CLSTN2: variants seen among roughly 807,000 people sequenced by gnomAD.
CLSTN2 encodes the protein calsyntenin-2.
Under a neutral mutation model 101.2 loss-of-function variants are expected in CLSTN2, and 48 were observed. The observed-to-expected ratio is 0.47, with a 90% CI of 0.38 to 0.60. The LOEUF (loss-of-function observed/expected upper bound fraction) is 0.60. CLSTN2 is among the 20% of genes least tolerant of loss of function. CLSTN2 has a pLI of 0.00. For synonymous variants in CLSTN2, 481 were observed against 463.6 expected, an observed-to-expected ratio of 1.04 and a Z score of -0.48; for missense variants, 1,160 against 1,238.2, an observed-to-expected ratio of 0.94 and a Z score of 0.95.
intron 1 of CLSTN2, among the ~76,000 whole-genome samples, chr3:139,980,898 A>G (rs950496212): frequency 6.6e-6 from 1 of 152,118 alleles, no homozygotes; most frequent in Admixed American, 6.6e-5. Flanking sequence ...TGACCACAAA[A>G]GTGGTCCACA....
intron 8 of CLSTN2, among the ~76,000 whole-genome samples, chr3:140,483,040 G>T (rs571881852): frequency 1.3e-5 from 2 of 152,216 alleles, no homozygotes; most frequent in African/African-American, 2.4e-5. Flanking sequence ...ATGTTAGGGC[G>T]TCAATTTTAG....
intron 5 of CLSTN2, among the ~76,000 whole-genome samples, chr3:140,427,225 G>GTA (rs1559866760): frequency 1.5e-5 from 1 of 67,204 alleles, no homozygotes; most frequent in Non-Finnish European, 2.6e-5. Flanking sequence ...ATATATATAT[G>GTA]TGTGTATATA....
intron 1 of CLSTN2, among the ~76,000 whole-genome samples, chr3:139,958,586 G>C (rs1935450116): frequency 6.6e-6 from 1 of 151,820 alleles, no homozygotes; most frequent in Admixed American, 6.6e-5. Context: ...GTACCAGGTG[G>C]GCTGGGGGAA....
intron 1 of CLSTN2, among the ~76,000 whole-genome samples, chr3:140,047,303 T>C (rs2007900452): frequency 2.0e-5 from 3 of 152,262 alleles, no homozygotes; most frequent in South Asian, 4.1e-4. Flanking sequence ...CTAATAGTAA[T>C]ATAGTGAGTA....
chr3:140,191,002 G>C (rs1252891100), intron 2 of CLSTN2, among the ~76,000 whole-genome samples: 2 of 151,968 alleles, frequency 1.3e-5, no homozygotes, highest in Non-Finnish European at 2.9e-5. Context: ...CCAGTCTCAG[G>C]GGAAAGCATA....
chr3:140,286,041 A>AG (rs2086892839), intron 2 of CLSTN2, among the ~76,000 whole-genome samples: 1 of 152,162 alleles, frequency 6.6e-6, no homozygotes, highest in South Asian at 2.1e-4. Flanking sequence ...CTTTAGCGTT[A>AG]GGCTCTAAGA....
rs570865993 is a variant in CLSTN2 at position 140,089,534 on chromosome 3, C to T, written c.110-86417C>T. Among the ~76,000 whole-genome samples, 5 of 152,090 alleles carry T rather than the reference C, an allele frequency of 3.3e-5. No homozygotes were observed. In the East Asian group the frequency reaches 9.7e-4, roughly 29 times the overall value. ...TCCCAAAGCAGTAAAGAAATAAAGC[C>T]CCGTGTTTTTGAGGGTGCTCTATTT... On this transcript the variant is annotated intron_variant, in intron 1 of 16. Transcript: ENST00000458420.
At position 140,421,227 on chromosome 3, in the gene CLSTN2, C is replaced by A. The variant is rs1304969196; in HGVS notation, c.740C>A (p.Thr247Asn). 6.2e-7 allele frequency: 1 copy of A among 1,614,048 alleles called. No homozygotes were observed. The highest frequency in any genetic ancestry group is 8.5e-7 in the Non-Finnish European group (1 of 1,180,020). ...GGACAGAAGCCCGCTGCTCAGGACA[C>A]CCTGGTGCAGGTGGATGTGAAGCCA... ...DCGQKPAAQD[T>N]LVQVDVKPVC... Residue 247 changes from threonine (T) to asparagine (N), a missense_variant, in exon 5 of 17, where the codon ACC becomes AAC. Transcript: ENST00000458420.
intron 2 of CLSTN2, among the ~76,000 whole-genome samples, chr3:140,276,722 G>A (rs1251515572): frequency 6.6e-6 from 1 of 152,070 alleles, no homozygotes; most frequent in Non-Finnish European, 1.5e-5. Context: ...CCCACATCCT[G>A]GGAATATCCT....
At chr3:139,989,756 C>G (rs1171686864) in intron 1 of CLSTN2, among the ~76,000 whole-genome samples, 2 of 152,226 alleles carry the variant, frequency 1.3e-5, no homozygotes, top group Non-Finnish European at 2.9e-5. Flanking sequence ...AAATCCCCTA[C>G]CTTTAAATTC....
intron 2 of CLSTN2, among the ~76,000 whole-genome samples, chr3:140,311,287 CTTTTTTTTTTTTTTTTTTTTTTTT>C (rs750088450): frequency 5.8e-5 from 3 of 52,064 alleles, no homozygotes; most frequent in South Asian, 1.7e-3. Context: ...GTTTATTATC[CTTTTTTTTTTTTTTTTTTTTTTTT>C]TTTTTTTTTT....
At chr3:140,044,437 G>C (rs569184662) in intron 1 of CLSTN2, among the ~76,000 whole-genome samples, 1 of 152,112 alleles carries the variant, frequency 6.6e-6, no homozygotes, top group Non-Finnish European at 1.5e-5. Context: ...GGGCTGAGAC[G>C]ATGGCGTTTT....
At chr3:139,958,362 T>C (rs1417891371) in intron 1 of CLSTN2, among the ~76,000 whole-genome samples, 1 of 152,074 alleles carries the variant, frequency 6.6e-6, no homozygotes, top group African/African-American at 2.4e-5. Context: ...GTGAGGTGAG[T>C]TTTGTGTGCT....
chr3:140,185,125 A>C (rs1357173497), intron 2 of CLSTN2, among the ~76,000 whole-genome samples: 3 of 151,952 alleles, frequency 2.0e-5, no homozygotes, highest in Admixed American at 1.3e-4. Context: ...ATTTGGTTTT[A>C]TTTGCTATAT....
At chr3:140,428,385 A>T (rs1310561620) in intron 5 of CLSTN2, among the ~76,000 whole-genome samples, 1 of 152,184 alleles carries the variant, frequency 6.6e-6, no homozygotes, top group East Asian at 1.9e-4. Flanking sequence ...GAATGAACCC[A>T]AAGTTCAGTA....
At chr3:140,304,095 G>A (rs974768781) in intron 2 of CLSTN2, among the ~76,000 whole-genome samples, 1 of 152,136 alleles carries the variant, frequency 6.6e-6, no homozygotes, top group East Asian at 1.9e-4. Flanking sequence ...GAGCTATGTG[G>A]TTATCTCTGA....
In CLSTN2 at chr3:140,546,654, C is replaced by T. The variant is rs1278043118; in HGVS notation, c.1647C>T (p.Ser549=). The T allele has an allele frequency of 2.6e-5, 42 of 1,613,186 alleles. No individual in the cohort carries two copies. The highest frequency in any genetic ancestry group is 3.4e-5 in the Non-Finnish European group (40 of 1,179,776). Residue 549 remains serine (S), a synonymous_variant, in exon 10 of 17, where the codon TCC becomes TCT. Transcript: ENST00000458420. ...QACKEGLDIN[S]LESLGQGIKY... is the part of the protein sequence containing the mutation. The stretch of plus-strand genomic sequence containing the variant: ...GCAAGGAAGGGCTGGACATTAATTC[C>T]TTGGAAAGCCTTGGCCAAGGAATAA...
At chr3:140,424,239 C>T (rs892080494) in intron 5 of CLSTN2, among the ~76,000 whole-genome samples, 15 of 152,288 alleles carry the variant, frequency 9.8e-5, no homozygotes, top group East Asian at 5.8e-4. Context: ...GTTTGGCATC[C>T]GGATCCAGAG....
intron 1 of CLSTN2, among the ~76,000 whole-genome samples, chr3:140,167,274 T>G (rs569380838): frequency 6.6e-6 from 1 of 152,348 alleles, no homozygotes; most frequent in South Asian, 2.1e-4. Flanking sequence ...CCAAGATATA[T>G]TAAATGCTTT....
Sources: allele counts gnomAD v4.1 joint callset (sites outside exome capture counted in the v4.1 genomes callset), GRCh38; gene constraint gnomAD v4.1.1; transcripts MANE v1.5; gene names NCBI Gene and HGNC (gene_info 2026-07-23, HGNC 2026-07-21).